CABLES1: variants seen among roughly 807,000 people sequenced by gnomAD.
CABLES1 encodes CDK5 and ABL1 enzyme substrate 1.
In CABLES1, 36 loss-of-function variants were observed where a neutral mutation model predicts 57.8. The ratio of observed to expected loss-of-function variants is 0.62; its 90% CI spans 0.48 to 0.82. CABLES1 has a LOEUF of 0.82. Ranked by LOEUF, CABLES1 falls within the 40% of genes least tolerant of loss-of-function variation. CABLES1 has a pLI of 0.00. For synonymous variants in CABLES1, 374 were observed against 363.0 expected (o/e 1.03, Z -0.35); for missense variants, 767 against 836.6 (o/e 0.92, Z 1.03).
chr18:23,252,387 C>T (rs748127286), intron 7 of CABLES1, among the ~76,000 whole-genome samples: 2 of 152,036 alleles, frequency 1.3e-5, no homozygotes, highest in Non-Finnish European at 2.9e-5. Flanking sequence ...GTGTATTTTA[C>T]CACCATTTAA....
In CABLES1 at chr18:23,257,293, G is replaced by C. The variant is rs1346450908; in HGVS notation, c.1828G>C (p.Ala610Pro). ...LIAFEFPVLV[A>P]LEFALHLPEH... Reference sequence around the variant, plus strand: ...TGCCTTTGAATTCCCGGTGTTAGTGGCCTTGGAATTCGCCCTCCACTTGCC... The same window carrying C: ...TGCCTTTGAATTCCCGGTGTTAGTGCCCTTGGAATTCGCCCTCCACTTGCC... Residue 610 changes from alanine (A) to proline (P), a missense_variant, in exon 10 of 10, where the codon GCC (alanine) becomes CCC (proline). Coordinates refer to ENST00000256925, the MANE Select transcript of CABLES1 (RefSeq NM_001100619.3). 1 of 1,613,908 alleles carries C rather than the reference G, an allele frequency of 6.2e-7. No individual in the cohort carries two copies. Among genetic ancestry groups the C allele is most frequent in the Admixed American group, 1.7e-5 (1 of 59,920 alleles).
intron 1 of CABLES1, among the ~76,000 whole-genome samples, chr18:23,162,175 A>AC (rs1444053548): frequency 2.1e-5 from 1 of 46,516 alleles, no homozygotes; most frequent in Non-Finnish European, 4.2e-5. Context: ...CAAAAAAAAA[A>AC]CAACAAAGAG....
At chr18:23,194,320 G>GCGGA (rs1568062358) in intron 2 of CABLES1, 128 bp from the exon 3 acceptor site, 1 of 593,984 alleles carries the variant, frequency 1.7e-6, no homozygotes, top group Non-Finnish European at 3.0e-6. Flanking sequence ...CATTATCCTC[G>GCGGA]CGGACTCCTG....
Position 23,215,583 on chromosome 18 carries a change from C to T in CABLES1, c.1088+1529C>T, listed in dbSNP as rs374147167. On this transcript the variant is annotated intron_variant, in intron 4 of 9. Transcript: ENST00000256925. ...CCCTGGCTGACCTCTCTGATTGACA[C>T]ATTCTTTCCTTAGCTCCATCTCATT... Among the ~76,000 whole-genome samples, 16 of 152,242 alleles carry T rather than the reference C, an allele frequency of 1.1e-4. No homozygotes were observed. In the East Asian group the frequency reaches 2.5e-3, roughly 24 times the overall value.
intron 1 of CABLES1, among the ~76,000 whole-genome samples, chr18:23,184,532 G>T (rs1431247434): frequency 6.6e-6 from 1 of 152,078 alleles, no homozygotes; most frequent in Non-Finnish European, 1.5e-5. Context: ...GCGAAACCCT[G>T]TCTCTACTAA....
chr18:23,253,745 C>G lies in CABLES1; in HGVS notation c.1570C>G (p.Arg524Gly), dbSNP rs573079087. The G allele has an allele frequency of 1.9e-6, 3 of 1,613,954 alleles. No individual in the cohort carries two copies. The highest frequency in any genetic ancestry group is 2.5e-6 in the Non-Finnish European group (3 of 1,179,972). Residue 524 changes from arginine (R) to glycine (G), a missense_variant, in exon 9 of 10, where the codon CGG (arginine) becomes GGG (glycine). Transcript: ENST00000256925. ...TTTCTCCAGTCTGAAACGAGAGATG[C>G]GGAAGCTTGCGCAGGAGGACTGTGG... ...SKIRSLKREM[R>G]KLAQEDCGLE... is the part of the protein sequence containing the mutation.
rs2048206429 is a variant in CABLES1 at position 23,257,956 on chromosome 18, C to T, written c.*589C>T. On this transcript the variant is annotated 3_prime_UTR_variant, in exon 10 of 10. Transcript: ENST00000256925. ...CCGCCCTTTACAGAGCAGCCCTTAG[C>T]CTGGGGCCATGGGTCAGGCTGACCT... The T allele has an allele frequency of 6.6e-6, 1 of 152,218 alleles. No individual in the cohort carries two copies. 9.4% of individuals were successfully genotyped at this position (152,218 alleles called of 1,614,324 possible). A position where few individuals can be genotyped will look rare whatever the true frequency, so the allele number is the denominator to read the frequency against.
intron 3 of CABLES1, among the ~76,000 whole-genome samples, chr18:23,200,057 C>CA (rs1004204687): frequency 6.6e-6 from 1 of 152,160 alleles, no homozygotes; most frequent in Non-Finnish European, 1.5e-5. Context: ...ACCAGGCACA[C>CA]AGTAGGCACT....
chr18:23,157,340 G>T (rs930861734), intron 1 of CABLES1, among the ~76,000 whole-genome samples: 2 of 151,928 alleles, frequency 1.3e-5, no homozygotes, highest in East Asian at 1.9e-4. Context: ...TAGTAAAGGC[G>T]GGGGGGCGGT....
rs770794455 is a variant in CABLES1 at position 23,253,955 on chromosome 18, G to A, written c.1761+19G>A. The A allele has an allele frequency of 1.3e-5, 21 of 1,606,526 alleles. No homozygotes were observed. Among genetic ancestry groups the A allele is most frequent in the Non-Finnish European group, 1.7e-5 (20 of 1,173,404 alleles). On this transcript the variant is annotated intron_variant, in intron 9 of 9. Transcript: ENST00000256925. ...AATTGACGTAAGTAGCCTTTTTCCT[G>A]GTGGCTGGAGGAGCACATGCTCCGG...
chr18:23,145,004 C>T (rs867714145), intron 1 of CABLES1, among the ~76,000 whole-genome samples: 2 of 151,248 alleles, frequency 1.3e-5, no homozygotes, highest in African/African-American at 4.9e-5. Context: ...GGCGCAATCT[C>T]GGCTCACTGC....
intron 5 of CABLES1, 36 bp from the exon 6 acceptor site, chr18:23,235,859 A>C: frequency 1.9e-6 from 3 of 1,603,686 alleles, no homozygotes; most frequent in South Asian, 1.1e-5. Flanking sequence ...AATGCCTGGG[A>C]ATAATCACTG....
intron 1 of CABLES1, among the ~76,000 whole-genome samples, chr18:23,137,195 C>A (rs1325420130): frequency 1.3e-5 from 2 of 152,126 alleles, no homozygotes; most frequent in African/African-American, 4.8e-5. Context: ...GGGTGGGGAA[C>A]AAAGAGGAAA....
chr18:23,143,504 C>T (rs776510592), intron 1 of CABLES1, among the ~76,000 whole-genome samples: 14 of 152,158 alleles, frequency 9.2e-5, no homozygotes, highest in Non-Finnish European at 1.5e-4. Flanking sequence ...TCAGCATCAC[C>T]CTTTCCCCAA....
rs538231382 is a variant in CABLES1 at position 23,165,242 on chromosome 18, C to G, written c.846-23596C>G. Reference sequence around the variant, plus strand: ...GGACTGCAAGTGCATGCCACCACACCCAGCTAATTTTTTAATTTTAATTTT... The same window carrying G: ...GGACTGCAAGTGCATGCCACCACACGCAGCTAATTTTTTAATTTTAATTTT... On this transcript the variant is annotated intron_variant, in intron 1 of 9. Transcript: ENST00000256925. Among the ~76,000 whole-genome samples, 7 of 152,130 alleles carry G rather than the reference C, an allele frequency of 4.6e-5. No individual in the cohort carries two copies. The South Asian group carries it at 1.5e-3, about 32-fold the overall frequency.
chr18:23,155,828 C>G (rs2046961602), intron 1 of CABLES1: 6 of 1,608,736 alleles, frequency 3.7e-6, no homozygotes, highest in Non-Finnish European at 4.2e-6. Flanking sequence ...GCCTCCAGGC[C>G]ATTTTTCTTC....
intron 7 of CABLES1, among the ~76,000 whole-genome samples, chr18:23,247,484 G>A (rs2047925253): frequency 6.6e-6 from 1 of 152,226 alleles, no homozygotes; most frequent in South Asian, 2.1e-4. Flanking sequence ...CCACTTTGGG[G>A]GTTGCCTGGT....
At chr18:23,188,779 A>G in intron 1 of CABLES1, 59 bp from the exon 2 acceptor site, 2 of 1,187,354 alleles carry the variant, frequency 1.7e-6, no homozygotes, top group Non-Finnish European at 2.5e-6. Flanking sequence ...ATTTGCACAA[A>G]TGTCTGATCA....
In CABLES1 at chr18:23,236,428, C is replaced by T. The variant is rs2047613543; in HGVS notation, c.1342+377C>T. On this transcript the variant is annotated intron_variant, in intron 6 of 9. Transcript: ENST00000256925. ...AAAAAAAAATCTGGGCTCTGAAGTG[C>T]AGGTTCAGGTGTGAGAGTTTCCTTT... 2.0e-5 allele frequency among the ~76,000 whole-genome samples: 3 copies of T among 152,064 alleles called. No homozygotes were observed. In the South Asian group the frequency reaches 6.2e-4, roughly 32 times the overall value.
Sources: allele counts gnomAD v4.1 joint callset (sites outside exome capture counted in the v4.1 genomes callset), GRCh38; gene constraint gnomAD v4.1.1; transcripts MANE v1.5; gene names NCBI Gene and HGNC (gene_info 2026-07-23, HGNC 2026-07-21).